The following TMC2 variants were observed in gnomAD, a reference collection of about 807,000 sequenced individuals.
TMC2 encodes the protein transmembrane channel-like protein 2.
Under a neutral mutation model 105.9 loss-of-function variants are expected in TMC2, and 102 were observed. The observed-to-expected ratio is 0.96, with a 90% CI of 0.82 to 1.14. The LOEUF (loss-of-function observed/expected upper bound fraction) is 1.14. Among genes scored for constraint, TMC2 ranks in the 50% most tolerant of loss-of-function variants. TMC2 has a pLI of 0.00. For missense variants in TMC2, 1,093 were observed against 1,134.3 expected (o/e 0.96, Z 0.52); for synonymous variants, 402 against 422.8 (o/e 0.95, Z 0.60).
chr20:2,594,225 C>CTTTTTTTTTTTTTTTT lies in TMC2; in HGVS notation c.934-595_934-580dup, dbSNP rs565664102. On this transcript the variant is annotated intron_variant, in intron 8 of 19. Transcript: ENST00000358864. ...CCAACTATACTGTTACTAAGGATTC[C>CTTTTTTTTTTTTTTTT]TTTTTTTTTTTTTTTTTTTTGAGAC... 5.6e-4 allele frequency among the ~76,000 whole-genome samples: 64 copies of CTTTTTTTTTTTTTTTT among 113,766 alleles called. 3 individuals carry two copies. Among genetic ancestry groups the CTTTTTTTTTTTTTTTT allele is most frequent in the African/African-American group, 1.5e-3 (48 of 31,224 alleles). 74.6% of individuals were successfully genotyped at this position (113,766 alleles called of 152,430 possible).
chr20:2,574,908 T>C (rs2086132783), intron 5 of TMC2, among the ~76,000 whole-genome samples: 1 of 152,184 alleles, frequency 6.6e-6, no homozygotes, highest in East Asian at 1.9e-4. Flanking sequence ...GTATTTTTAG[T>C]AGATGCGATG....
In TMC2 at chr20:2,592,485, G is replaced by C; in HGVS notation, c.933+77G>C. 9.8e-7 allele frequency: 1 copy of C among 1,016,140 alleles called. No individual in the cohort carries two copies. 62.9% of individuals were successfully genotyped at this position (1,016,140 alleles called of 1,614,324 possible). A position where few individuals can be genotyped will look rare whatever the true frequency, so the allele number is the denominator to read the frequency against. ...AGATTGCATGGATAAGTATGAAATA[G>C]TGCGTTTAATTATTGAAAAACCATT... On this transcript the variant is annotated intron_variant, in intron 8 of 19. Coordinates refer to ENST00000358864, the MANE Select transcript of TMC2 (RefSeq NM_080751.3). The surrounding 1 kb of genome is among the most constrained non-coding windows in gnomAD (Gnocchi z 4.9).
chr20:2,599,539 A>ATTT (rs11409325), intron 10 of TMC2, among the ~76,000 whole-genome samples: 13,274 of 85,350 alleles, frequency 0.16, 897 homozygotes, highest in East Asian at 0.2. Flanking sequence ...CTTTAATTAC[A>ATTT]TTTTTTTTTT....
At position 2,592,476 on chromosome 20, in the gene TMC2, T is replaced by A. The variant is rs928091413; in HGVS notation, c.933+68T>A. ...AAAGGCTAAAGATTGCATGGATAAG[T>A]ATGAAATAGTGCGTTTAATTATTGA... On this transcript the variant is annotated intron_variant, in intron 8 of 19. Coordinates refer to ENST00000358864, the MANE Select transcript of TMC2 (RefSeq NM_080751.3). This position sits in a 1 kb window ranked among gnomAD's most constrained non-coding sequence, Gnocchi z 4.9. 8.5e-6 allele frequency: 9 copies of A among 1,057,234 alleles called. No homozygotes were observed. Among genetic ancestry groups the A allele is most frequent in the Non-Finnish European group, 1.3e-5 (9 of 673,930 alleles). The allele number at this position is 1,057,234 out of a possible 1,614,324, so 65.5% of individuals were successfully genotyped here.
At chr20:2,554,694 G>A (rs2085975795) in intron 2 of TMC2, among the ~76,000 whole-genome samples, 1 of 152,106 alleles carries the variant, frequency 6.6e-6, no homozygotes, top group Admixed American at 6.5e-5. Context: ...TTTAACCTAT[G>A]TGTTATTTAG....
At position 2,638,679 on chromosome 20, in the gene TMC2, G is replaced by A. The variant is rs553244035; in HGVS notation, c.2503+1088G>A. On this transcript the variant is annotated intron_variant, in intron 19 of 19. Transcript: ENST00000358864. ...TGATCCCAACCCTTTGTAGACCTAG[G>A]CTAATGTGTGTGTTGCATCTTAGTT... is the stretch of plus-strand genomic sequence containing the variant. Among the ~76,000 whole-genome samples, 15 of 152,152 alleles carry A rather than the reference G, an allele frequency of 9.9e-5. No individual in the cohort carries two copies. The South Asian group carries it at 2.1e-3, about 21-fold the overall frequency.
At chr20:2,579,783 G>A (rs539280474) in intron 6 of TMC2, among the ~76,000 whole-genome samples, 167 bp from the exon 7 acceptor site, 102 of 152,212 alleles carry the variant, frequency 6.7e-4, no homozygotes, top group Non-Finnish European at 1.2e-3. Flanking sequence ...AGGCAAGTTA[G>A]TTAACCCCAA....
intron 4 of TMC2, among the ~76,000 whole-genome samples, chr20:2,570,312 C>A (rs1402646434): frequency 1.3e-5 from 2 of 152,098 alleles, no homozygotes; most frequent in African/African-American, 4.8e-5. Flanking sequence ...GATACAAAAT[C>A]AATGTACAAA....
intron 11 of TMC2, among the ~76,000 whole-genome samples, chr20:2,608,302 TA>T (rs1311502784): frequency 1.8e-5 from 2 of 108,530 alleles, no homozygotes; most frequent in African/African-American, 1.2e-4. Flanking sequence ...TATTTTTATT[TA>T]TTATTATTAT....
intron 7 of TMC2, among the ~76,000 whole-genome samples, chr20:2,580,672 T>C (rs56190928): frequency 0.14 from 21,753 of 152,120 alleles, 2,122 homozygotes; most frequent in African/African-American, 0.27. Context: ...AGCCTTGAAC[T>C]CCTGGGCTCA....
chr20:2,573,420 TTTTGCAAATGCG>T (rs1398829071), intron 5 of TMC2, among the ~76,000 whole-genome samples: 5 of 152,188 alleles, frequency 3.3e-5, no homozygotes, highest in Admixed American at 6.5e-5. Context: ...GCCTAGTTGC[TTTTGCAAATGCG>T]ATCATTTTTC....
At chr20:2,569,170 C>T (rs2086085443) in intron 4 of TMC2, among the ~76,000 whole-genome samples, 1 of 152,192 alleles carries the variant, frequency 6.6e-6, no homozygotes, top group African/African-American at 2.4e-5. Flanking sequence ...TCTAAATACT[C>T]CCACCATGGC....
chr20:2,570,345 C>A (rs2086094574), intron 4 of TMC2, among the ~76,000 whole-genome samples: 1 of 152,060 alleles, frequency 6.6e-6, no homozygotes, highest in African/African-American at 2.4e-5. Flanking sequence ...AAGAGCATTT[C>A]TTGATCTAGT....
At chr20:2,545,882 AGAAAGAAAT>A (rs1292175833) in intron 2 of TMC2, among the ~76,000 whole-genome samples, 3 of 139,826 alleles carry the variant, frequency 2.1e-5, no homozygotes, top group Non-Finnish European at 4.6e-5. Context: ...AGAAAGAAAA[AGAAAGAAAT>A]GAAAGAAAGA....
intron 17 of TMC2, among the ~76,000 whole-genome samples, chr20:2,626,480 C>T (rs980041770): frequency 2.0e-5 from 3 of 152,180 alleles, no homozygotes; most frequent in Admixed American, 6.5e-5. Flanking sequence ...GGCATCTTTA[C>T]TTACTCCTGC....
intron 18 of TMC2, among the ~76,000 whole-genome samples, chr20:2,636,492 A>ACACACACG (rs1252208519): frequency 3.4e-5 from 5 of 147,968 alleles, no homozygotes; most frequent in Admixed American, 3.4e-4. Context: ...ACACACACAC[A>ACACACACG]CGCACACACC....
At chr20:2,599,008 A>C (rs2086329988) in intron 10 of TMC2, among the ~76,000 whole-genome samples, 1 of 152,144 alleles carries the variant, frequency 6.6e-6, no homozygotes, top group Admixed American at 6.5e-5. Flanking sequence ...TAGGGTTCTA[A>C]GTTGCAGTTG....
At chr20:2,614,353 C>G (rs2146243144) in intron 14 of TMC2, among the ~76,000 whole-genome samples, 1 of 152,220 alleles carries the variant, frequency 6.6e-6, no homozygotes, top group South Asian at 2.1e-4. Context: ...CACCTGTAAT[C>G]CTAGCACTTT....
chr20:2,580,871 T>C (rs1402748297), intron 7 of TMC2, among the ~76,000 whole-genome samples: 1 of 152,236 alleles, frequency 6.6e-6, no homozygotes, highest in African/African-American at 2.4e-5. Flanking sequence ...GAATTGGATC[T>C]CAGGTCCCCA....
Sources: gnomAD v4.1 joint callset for allele counts (sites outside exome capture counted in the v4.1 genomes callset) on GRCh38, gnomAD v4.1.1 for gene constraint, Gnocchi (gnomAD v3.1) non-coding constraint, MANE v1.5 for transcripts, NCBI Gene and HGNC (gene_info 2026-07-23, HGNC 2026-07-21) for gene names.